BCHE: variants seen among roughly 807,000 people sequenced by gnomAD.
BCHE encodes the protein butyrylcholinesterase, also known as cholinesterase.
In BCHE, 48 loss-of-function variants were observed where a neutral mutation model predicts 51.3. The ratio of observed to expected loss-of-function variants is 0.94; its 90% CI spans 0.74 to 1.19. The LOEUF is 1.19. BCHE is among the 50% of genes most tolerant of loss of function. The pLI, the probability that BCHE is intolerant of heterozygous loss-of-function variation, is 0.00. For synonymous variants in BCHE, 251 were observed against 238.0 expected (o/e 1.05, Z -0.50); for missense variants, 847 against 708.2 (o/e 1.20, Z -2.23).
intron 2 of BCHE, among the ~76,000 whole-genome samples, chr3:165,793,016 GA>G (rs1332461980): frequency 1.3e-5 from 2 of 152,100 alleles, no homozygotes; most frequent in East Asian, 1.9e-4. Context: ...CTGTGAAGAA[GA>G]TTTTTTTAGT....
At chr3:165,799,834 A>G (rs1478022773) in intron 2 of BCHE, among the ~76,000 whole-genome samples, 1 of 152,134 alleles carries the variant, frequency 6.6e-6, no homozygotes, top group African/African-American at 2.4e-5. Context: ...ATCTATATTA[A>G]TATTAGAGAG....
chr3:165,798,673 T>A (rs1359461945), intron 2 of BCHE, among the ~76,000 whole-genome samples: 2 of 152,150 alleles, frequency 1.3e-5, no homozygotes, highest in Non-Finnish European at 2.9e-5. Context: ...AAAAAATTGA[T>A]ATTACTGTTT....
At chr3:165,790,955 G>A (rs780767356) in intron 2 of BCHE, among the ~76,000 whole-genome samples, 1 of 152,032 alleles carries the variant, frequency 6.6e-6, no homozygotes, top group Non-Finnish European at 1.5e-5. Flanking sequence ...AAAGCATTTT[G>A]TGCCTACTCA....
intron 2 of BCHE, among the ~76,000 whole-genome samples, chr3:165,816,772 TTCTC>T (rs758854895): frequency 6.6e-6 from 1 of 151,988 alleles, no homozygotes; most frequent in African/African-American, 2.4e-5. Context: ...GGCTACTCCA[TTCTC>T]TCTCTACAGT....
At chr3:165,811,188 A>T (rs1390320556) in intron 2 of BCHE, among the ~76,000 whole-genome samples, 1 of 152,106 alleles carries the variant, frequency 6.6e-6, no homozygotes, top group Non-Finnish European at 1.5e-5. Flanking sequence ...GAAAAAGTAA[A>T]ATTATAGGTG....
intron 3 of BCHE, among the ~76,000 whole-genome samples, chr3:165,775,340 T>G (rs1712423545): frequency 6.6e-6 from 1 of 151,882 alleles, no homozygotes; most frequent in African/African-American, 2.4e-5. Flanking sequence ...AAAATGGCTT[T>G]TAAAAAGATC....
intron 2 of BCHE, among the ~76,000 whole-genome samples, chr3:165,792,391 A>T (rs1713204097): frequency 6.6e-6 from 1 of 152,218 alleles, no homozygotes; most frequent in South Asian, 2.1e-4. Flanking sequence ...ATCTTTGATT[A>T]TAAAATACTT....
chr3:165,786,317 T>C lies in BCHE; in HGVS notation c.1518-6A>G, dbSNP rs142531034. 4.1e-4 allele frequency: 662 copies of C among 1,606,538 alleles called. 6 individuals are homozygous for C. The East Asian group carries it at 0.011, about 27-fold the overall frequency. ...TCTGAGTCTCATTTGGATTCCTAAA[T>C]AATAAAATAGAGACATTATAGTAAA... On this transcript the variant is annotated splice_region_variant and splice_polypyrimidine_tract_variant and intron_variant, in intron 2 of 3. Coordinates refer to ENST00000264381, the MANE Select transcript of BCHE (RefSeq NM_000055.4).
Position 165,829,723 on chromosome 3 carries a change from G to T in BCHE, c.1311C>A (p.Phe437Leu), listed in dbSNP as rs1010031255. ...ICPALEFTKKFSEWGNNAFFY... is the reference protein window; with the variant it reads ...ICPALEFTKKLSEWGNNAFFY... ...AAAAGGCATTATTTCCCCATTCTGA[G>T]AACTTCTTGGTGAACTCCAAGGCAG... Residue 437 changes from phenylalanine to leucine, a missense_variant, in exon 2 of 4, where the codon TTC (phenylalanine) becomes TTA (leucine). Physicochemically the swap from Phe to Leu is conservative, Grantham distance 22. Coordinates refer to ENST00000264381, the MANE Select transcript of BCHE (RefSeq NM_000055.4). The T allele has an allele frequency of 2.5e-6, 4 of 1,613,754 alleles. No individual in the cohort carries two copies. The African/African-American group carries it at 5.3e-5, about 22-fold the overall frequency.
chr3:165,786,035 G>A, intron 3 of BCHE, 110 bp downstream of exon 3: 2 of 1,187,456 alleles, frequency 1.7e-6, no homozygotes, highest in Non-Finnish European at 2.4e-6. Flanking sequence ...TTATTTTAAA[G>A]TCAGAGATAC....
Position 165,830,034 on chromosome 3 carries a change from A to C in BCHE, c.1000T>G (p.Leu334Val), listed in dbSNP as rs1280994046. Reference protein sequence around the residue: ...GDFLTDMPDILLELGQFKKTQ... With the variant: ...GDFLTDMPDIVLELGQFKKTQ... ...TTTTTAAATTGTCCAAGTTCAAGTA[A>C]TATGTCTGGCATGTCAGTGAGAAAA... Residue 334 changes from leucine to valine, a missense_variant, in exon 2 of 4, where the codon TTA becomes GTA. Leu to Val is a conservative substitution (Grantham distance 32). Coordinates refer to ENST00000264381, the MANE Select transcript of BCHE (RefSeq NM_000055.4). 2 of 1,613,776 alleles carry C rather than the reference A, an allele frequency of 1.2e-6. No individual in the cohort carries two copies. Among genetic ancestry groups the C allele is most frequent in the Non-Finnish European group, 1.7e-6 (2 of 1,179,888 alleles).
chr3:165,826,514 G>T (rs2048493), intron 2 of BCHE, among the ~76,000 whole-genome samples: 11 of 151,536 alleles, frequency 7.3e-5, no homozygotes, highest in Non-Finnish European at 1.2e-4. Context: ...GCAAAGAGGT[G>T]GGGGGGGACT....
At chr3:165,796,655 T>C (rs139268211) in intron 2 of BCHE, among the ~76,000 whole-genome samples, 263 of 152,332 alleles carry the variant, frequency 1.7e-3, no homozygotes, top group African/African-American at 6.2e-3. Flanking sequence ...AAGTGCCCAC[T>C]TAAAGCATAC....
intron 2 of BCHE, among the ~76,000 whole-genome samples, chr3:165,788,264 A>G (rs917331277): frequency 6.6e-6 from 1 of 152,064 alleles, no homozygotes; most frequent in Non-Finnish European, 1.5e-5. Context: ...TTCATATTTT[A>G]TCATAGATGC....
intron 2 of BCHE, among the ~76,000 whole-genome samples, chr3:165,826,136 C>T (rs1482913427): frequency 1.3e-5 from 2 of 151,982 alleles, no homozygotes; most frequent in Non-Finnish European, 2.9e-5. Flanking sequence ...TCCTGCAATT[C>T]CTCTCACTTT....
chr3:165,813,859 T>A (rs1007187829), intron 2 of BCHE, among the ~76,000 whole-genome samples: 2 of 152,004 alleles, frequency 1.3e-5, no homozygotes, highest in Non-Finnish European at 2.9e-5. Context: ...CCAGTTCAGC[T>A]ATCACCTATA....
chr3:165,801,136 T>C (rs913552650), intron 2 of BCHE, among the ~76,000 whole-genome samples: 1 of 152,118 alleles, frequency 6.6e-6, no homozygotes, highest in Non-Finnish European at 1.5e-5. Context: ...ACTTTACAGC[T>C]CTCATGCATG....
At chr3:165,784,473 A>G (rs1345939874) in intron 3 of BCHE, among the ~76,000 whole-genome samples, 1 of 151,992 alleles carries the variant, frequency 6.6e-6, no homozygotes, top group Non-Finnish European at 1.5e-5. Context: ...TATTTTCAAG[A>G]CACACTGAAC....
chr3:165,833,769 A>T (rs1230795796), intron 1 of BCHE, among the ~76,000 whole-genome samples: 1 of 132,522 alleles, frequency 7.5e-6, no homozygotes, highest in Non-Finnish European at 1.7e-5. Flanking sequence ...CTGGAGAAAA[A>T]CAAAGTGCTA....
Sources: gnomAD v4.1 joint callset for allele counts (sites outside exome capture counted in the v4.1 genomes callset) on GRCh38, gnomAD v4.1.1 for gene constraint, MANE v1.5 for transcripts, NCBI Gene and HGNC (gene_info 2026-07-23, HGNC 2026-07-21) for gene names.